Variants in LRRC4C observed in about 807,000 individuals in gnomAD.
LRRC4C encodes leucine rich repeat containing 4C.
Under a neutral mutation model 33.6 loss-of-function variants are expected in LRRC4C, and 5 were observed. The observed-to-expected ratio is 0.15, with a 90% confidence interval of 0.08 to 0.31. The LOEUF (loss-of-function observed/expected upper bound fraction) is 0.31. LRRC4C is among the 10% of genes least tolerant of loss of function. LRRC4C has a pLI of 1.00. For missense variants in LRRC4C, 560 were observed against 796.7 expected, an observed-to-expected ratio of 0.70 and a Z score of 3.58; for synonymous variants, 329 against 302.0, an observed-to-expected ratio of 1.09 and a Z score of -0.93.
intron 2 of LRRC4C, among the ~76,000 whole-genome samples, chr11:40,676,599 A>G (rs1944416402): frequency 6.6e-6 from 1 of 151,982 alleles, no homozygotes; most frequent in South Asian, 2.1e-4. Context: ...TGCAAGATAA[A>G]TTTTTCCTTT....
chr11:41,249,263 T>C (rs1948559126), intron 1 of LRRC4C, among the ~76,000 whole-genome samples: 1 of 152,118 alleles, frequency 6.6e-6, no homozygotes, highest in Admixed American at 6.5e-5. Context: ...CTCGATCTCC[T>C]GGCCTCGTGA....
chr11:41,019,396 A>G (rs7103412), intron 1 of LRRC4C, among the ~76,000 whole-genome samples: 14,961 of 152,214 alleles, frequency 0.098, 797 homozygotes, highest in African/African-American at 0.13. Flanking sequence ...TATATGTACC[A>G]TATTTTCTTT....
intron 2 of LRRC4C, among the ~76,000 whole-genome samples, chr11:40,772,143 C>T (rs1017173869): frequency 2.0e-5 from 3 of 152,142 alleles, no homozygotes; most frequent in African/African-American, 7.2e-5. Context: ...ATTAACTCAC[C>T]TTTCTGCATG....
intron 1 of LRRC4C, among the ~76,000 whole-genome samples, chr11:41,103,009 TAAAAA>T (rs1414886987): frequency 2.0e-5 from 3 of 151,652 alleles, no homozygotes; most frequent in African/African-American, 7.3e-5. Context: ...AAAGGTAAAA[TAAAAA>T]AGAAAAGAAG....
At chr11:40,248,948 G>A (rs1034782516) in intron 4 of LRRC4C, among the ~76,000 whole-genome samples, 7 of 152,038 alleles carry the variant, frequency 4.6e-5, no homozygotes, top group African/African-American at 9.7e-5. Flanking sequence ...AGACTACAAC[G>A]GCAGTGACTG....
chr11:40,654,041 G>C (rs181857115), intron 2 of LRRC4C, among the ~76,000 whole-genome samples: 2 of 152,320 alleles, frequency 1.3e-5, no homozygotes, highest in Non-Finnish European at 2.9e-5. Context: ...GAAGAATTGA[G>C]GTTGGGGAAC....
intron 2 of LRRC4C, among the ~76,000 whole-genome samples, chr11:40,852,410 T>A (rs910781819): frequency 8.5e-5 from 13 of 152,090 alleles, no homozygotes; most frequent in African/African-American, 2.6e-4. Flanking sequence ...GACTTTATAA[T>A]TTTTCAAAAA....
Position 40,589,386 on chromosome 11 carries a change from G to T in LRRC4C, c.-270+58756C>A, listed in dbSNP as rs1183092858. ...CTATGTGTGTCTCTGCACGTGAGATGGGTTTCCTGAATACAGCACACTGAT... is the reference window on the plus strand; with the variant it reads ...CTATGTGTGTCTCTGCACGTGAGATTGGTTTCCTGAATACAGCACACTGAT... On this transcript the variant is annotated intron_variant, in intron 3 of 6. Coordinates refer to ENST00000528697, the MANE Select transcript of LRRC4C (RefSeq NM_001258419.2). 2.0e-5 allele frequency among the ~76,000 whole-genome samples: 3 copies of T among 152,150 alleles called. No individual in the cohort carries two copies. The East Asian group carries it at 5.8e-4, about 30-fold the overall frequency.
At chr11:40,221,945 G>C (rs1864451899) in intron 5 of LRRC4C, among the ~76,000 whole-genome samples, 2 of 152,086 alleles carry the variant, frequency 1.3e-5, no homozygotes, top group East Asian at 3.9e-4. Flanking sequence ...GATGCCCTCG[G>C]CTGAATAAAT....
chr11:41,146,634 G>A (rs576239960), intron 1 of LRRC4C, among the ~76,000 whole-genome samples: 37 of 152,144 alleles, frequency 2.4e-4, no homozygotes, highest in Non-Finnish European at 4.9e-4. Flanking sequence ...GCTAAGTCTT[G>A]GAATACCCTC....
At chr11:40,681,380 G>A (rs1944676530) in intron 2 of LRRC4C, among the ~76,000 whole-genome samples, 1 of 152,160 alleles carries the variant, frequency 6.6e-6, no homozygotes, top group South Asian at 2.1e-4. Context: ...CTTCTATGAA[G>A]GGGCTCTGTG....
At chr11:40,571,103 C>T (rs1278911125) in intron 3 of LRRC4C, among the ~76,000 whole-genome samples, 4 of 151,776 alleles carry the variant, frequency 2.6e-5, no homozygotes, top group Admixed American at 2.0e-4. Flanking sequence ...GAATATATAA[C>T]CACATTGGAA....
intron 5 of LRRC4C, among the ~76,000 whole-genome samples, chr11:40,146,477 C>T (rs1857740883): frequency 6.6e-6 from 1 of 152,144 alleles, no homozygotes; most frequent in Non-Finnish European, 1.5e-5. Flanking sequence ...TCTATAGGAA[C>T]TCTAAAATGG....
At chr11:40,333,131 AAT>A (rs1342598649) in intron 3 of LRRC4C, among the ~76,000 whole-genome samples, 1 of 152,160 alleles carries the variant, frequency 6.6e-6, no homozygotes, top group Non-Finnish European at 1.5e-5. Flanking sequence ...GGCCACCAAA[AAT>A]ATCTCACTTT....
intron 5 of LRRC4C, among the ~76,000 whole-genome samples, chr11:40,153,370 C>A (rs145791723): frequency 2.0e-5 from 3 of 152,012 alleles, no homozygotes; most frequent in Admixed American, 2.0e-4. Flanking sequence ...GGTAATATGA[C>A]AAAACAAGGC....
intron 2 of LRRC4C, among the ~76,000 whole-genome samples, chr11:40,732,060 A>C (rs917424152): frequency 4.0e-5 from 2 of 50,480 alleles, no homozygotes; most frequent in African/African-American, 1.8e-4. Context: ...AAAAAAAACC[A>C]AAAAAAAAAC....
At chr11:40,965,506 G>A (rs187478384) in intron 1 of LRRC4C, among the ~76,000 whole-genome samples, 1,845 of 152,042 alleles carry the variant, frequency 0.012, 38 homozygotes, top group African/African-American at 0.042. Flanking sequence ...TTTGAGGTCT[G>A]ACATTTAAGT....
chr11:40,771,913 C>G (rs1271176271), intron 2 of LRRC4C, among the ~76,000 whole-genome samples: 1 of 152,128 alleles, frequency 6.6e-6, no homozygotes, highest in Non-Finnish European at 1.5e-5. Context: ...CCTCTAAGTC[C>G]AAAGGGAGTT....
chr11:40,231,170 C>T (rs973853795), intron 5 of LRRC4C, among the ~76,000 whole-genome samples: 8 of 152,010 alleles, frequency 5.3e-5, no homozygotes, highest in Non-Finnish European at 8.8e-5. Flanking sequence ...AGTTCAAGAC[C>T]AAACTTGGCA....
Sources: gnomAD v4.1 joint callset for allele counts (sites outside exome capture counted in the v4.1 genomes callset) on GRCh38, gnomAD v4.1.1 for gene constraint, MANE v1.5 for transcripts, NCBI Gene and HGNC (gene_info 2026-07-23, HGNC 2026-07-21) for gene names.